Variants in RASGRF2 observed in about 807,000 individuals in gnomAD.
RASGRF2 encodes the protein Ras protein specific guanine nucleotide releasing factor 2.
A neutral mutation model predicts 151.0 loss-of-function variants in RASGRF2; 76 were observed. That is an observed-to-expected ratio of 0.50 (90% CI 0.42 to 0.61). The LOEUF is 0.61. Among genes scored for constraint, RASGRF2 ranks in the 20% least tolerant of loss-of-function variants. The pLI is 0.00. For synonymous variants in RASGRF2, 504 were observed against 566.5 expected, an observed-to-expected ratio of 0.89 and a Z score of 1.57; for missense variants, 1,148 against 1,564.6, an observed-to-expected ratio of 0.73 and a Z score of 4.49.
chr5:81,149,783 C>T (rs952205093), intron 17 of RASGRF2, among the ~76,000 whole-genome samples: 2 of 152,180 alleles, frequency 1.3e-5, no homozygotes, highest in African/African-American at 2.4e-5. Context: ...CCACCCAGTT[C>T]ACCCATTTAA....
chr5:81,186,382 G>C (rs1279057356), intron 18 of RASGRF2, among the ~76,000 whole-genome samples: 1 of 152,054 alleles, frequency 6.6e-6, no homozygotes, highest in East Asian at 1.9e-4. Context: ...TTTTAGTATT[G>C]TTCCCATTGA....
In RASGRF2 at chr5:81,071,298, T is replaced by G. The variant is rs72503405; in HGVS notation, c.633+717T>G. Among the ~76,000 whole-genome samples, 92 of 152,332 alleles carry G rather than the reference T, an allele frequency of 6.0e-4. 1 individual carries two copies. The East Asian group carries it at 0.015, about 25-fold the overall frequency. ...TTTAATTTGTTATTATTCCTCTTATTTTATGCTAATAATCTTTCCCCTTTC... is the reference window on the plus strand; with the variant it reads ...TTTAATTTGTTATTATTCCTCTTATGTTATGCTAATAATCTTTCCCCTTTC... On this transcript the variant is annotated intron_variant, in intron 4 of 26. Transcript: ENST00000265080.
chr5:81,098,531 C>T (rs1752609509), intron 12 of RASGRF2, among the ~76,000 whole-genome samples: 1 of 152,120 alleles, frequency 6.6e-6, no homozygotes, highest in African/African-American at 2.4e-5. Flanking sequence ...AAGGAACCAC[C>T]AGTGCAACCG....
intron 17 of RASGRF2, among the ~76,000 whole-genome samples, chr5:81,128,563 C>A (rs538365364): frequency 6.6e-6 from 1 of 152,156 alleles, no homozygotes; most frequent in Non-Finnish European, 1.5e-5. Flanking sequence ...TTACTGAGAA[C>A]ACGTTTCCAT....
At chr5:81,183,883 A>G (rs1754970290) in intron 18 of RASGRF2, among the ~76,000 whole-genome samples, 1 of 152,248 alleles carries the variant, frequency 6.6e-6, no homozygotes, top group Non-Finnish European at 1.5e-5. Context: ...TGAATTAAGC[A>G]TAAAGCATGA....
intron 17 of RASGRF2, among the ~76,000 whole-genome samples, chr5:81,139,176 TC>T (rs1753824809): frequency 6.6e-6 from 1 of 152,166 alleles, no homozygotes; most frequent in African/African-American, 2.4e-5. Flanking sequence ...TAGAATTGTT[TC>T]CTTTTATTTT....
chr5:81,173,979 G>T (rs1161100873), intron 17 of RASGRF2, among the ~76,000 whole-genome samples: 1 of 152,202 alleles, frequency 6.6e-6, no homozygotes, highest in East Asian at 1.9e-4. Context: ...GAAGGAAAGT[G>T]TAAGAACAGA....
chr5:81,050,263 C>T (rs900505863), intron 2 of RASGRF2, among the ~76,000 whole-genome samples: 3 of 152,190 alleles, frequency 2.0e-5, no homozygotes, highest in Admixed American at 2.0e-4. Flanking sequence ...TCTACAGTTA[C>T]TAGAGTGCCC....
At chr5:81,092,294 T>G (rs1019207181) in intron 9 of RASGRF2, among the ~76,000 whole-genome samples, 3 of 143,880 alleles carry the variant, frequency 2.1e-5, no homozygotes, top group African/African-American at 7.5e-5. Flanking sequence ...TTATATAATT[T>G]ATATATTTTT....
chr5:80,963,021 A>G (rs369921303), intron 1 of RASGRF2, among the ~76,000 whole-genome samples: 1 of 152,250 alleles, frequency 6.6e-6, no homozygotes, highest in East Asian at 1.9e-4. Flanking sequence ...TTTGTCTTGC[A>G]TTAGATGTGC....
At chr5:80,974,458 G>T (rs1038190818) in intron 1 of RASGRF2, among the ~76,000 whole-genome samples, 1 of 152,218 alleles carries the variant, frequency 6.6e-6, no homozygotes, top group Non-Finnish European at 1.5e-5. Flanking sequence ...CCAAACCATC[G>T]GTGAACTAGG....
intron 2 of RASGRF2, among the ~76,000 whole-genome samples, chr5:81,057,997 A>G (rs1459243266): frequency 1.3e-5 from 2 of 151,942 alleles, no homozygotes; most frequent in South Asian, 4.2e-4. Context: ...ACCTGCCTCA[A>G]AAATAATTAA....
chr5:81,015,665 A>G (rs192375908), intron 1 of RASGRF2, among the ~76,000 whole-genome samples: 68 of 143,940 alleles, frequency 4.7e-4, no homozygotes, highest in African/African-American at 1.6e-3. Flanking sequence ...TACATTAATT[A>G]GTCCTTTTAT....
intron 25 of RASGRF2, 45 bp downstream of exon 25, chr5:81,217,518 T>C (rs1322958756): frequency 6.8e-7 from 1 of 1,474,930 alleles, no homozygotes. Context: ...GCTTTAGAGG[T>C]TTATAGAGAA....
intron 17 of RASGRF2, among the ~76,000 whole-genome samples, chr5:81,174,223 T>C (rs766271091): frequency 5.3e-5 from 8 of 152,166 alleles, no homozygotes; most frequent in Non-Finnish European, 1.0e-4. Context: ...GAAAGTTAGA[T>C]TGGGGAGCAG....
chr5:81,221,362 A>G (rs1445811759), intron 26 of RASGRF2, among the ~76,000 whole-genome samples: 2 of 152,134 alleles, frequency 1.3e-5, no homozygotes, highest in Non-Finnish European at 2.9e-5. Flanking sequence ...TAATTTATTC[A>G]ATCATTTATT....
chr5:81,176,020 T>C (rs901589195), intron 17 of RASGRF2, among the ~76,000 whole-genome samples: 1 of 152,188 alleles, frequency 6.6e-6, no homozygotes, highest in Non-Finnish European at 1.5e-5. Flanking sequence ...TGTATACTCA[T>C]TAGCTGTGAT....
chr5:81,180,298 A>G lies in RASGRF2; in HGVS notation c.2793+17A>G. On this transcript the variant is annotated intron_variant, in intron 18 of 26. Coordinates refer to ENST00000265080, the MANE Select transcript of RASGRF2 (RefSeq NM_006909.3). The stretch of plus-strand genomic sequence containing the variant: ...CACGCACAGGTAAGTCAGTGCCCTC[A>G]TTAATTACTTGCAAGGATTTTTTAA... The G allele has an allele frequency of 6.9e-7, 1 of 1,442,738 alleles. No homozygotes were observed. The allele number at this position is 1,442,738 out of a possible 1,614,324, so 89.4% of individuals were successfully genotyped here. A position where few individuals can be genotyped will look rare whatever the true frequency, so the allele number is the denominator to read the frequency against.
At position 81,207,230 on chromosome 5, in the gene RASGRF2, C is replaced by T; in HGVS notation, c.2968-16C>T. On this transcript the variant is annotated splice_polypyrimidine_tract_variant and intron_variant, in intron 20 of 26. Transcript: ENST00000265080. ...CCTCTCCTGGGTGTTTCATTTCCCT[C>T]CCTCATCTCTTGCAGACTGACTGCA... 6.2e-7 allele frequency: 1 copy of T among 1,612,470 alleles called. No homozygotes were observed. Among genetic ancestry groups the T allele is most frequent in the African/African-American group, 1.3e-5 (1 of 75,010 alleles).
Sources: gnomAD v4.1 joint callset for allele counts (sites outside exome capture counted in the v4.1 genomes callset) on GRCh38, gnomAD v4.1.1 for gene constraint, MANE v1.5 for transcripts, NCBI Gene and HGNC (gene_info 2026-07-23, HGNC 2026-07-21) for gene names.